STMN3: variants seen among roughly 807,000 people sequenced by gnomAD.
STMN3 encodes stathmin-3.
A neutral mutation model predicts 23.2 loss-of-function variants in STMN3; 24 were observed. The ratio of observed to expected loss-of-function variants is 1.03; its 90% CI spans 0.75 to 1.45. The LOEUF (loss-of-function observed/expected upper bound fraction) is 1.45. Among genes scored for constraint, STMN3 ranks in the 40% most tolerant of loss-of-function variants. The pLI, the probability that STMN3 is intolerant of heterozygous loss-of-function variation, is 0.00. For missense variants in STMN3, 235 were observed against 237.6 expected (o/e 0.99, Z 0.07); for synonymous variants, 117 against 103.4 (o/e 1.13, Z -0.80).
chr20:63,643,284 CTT>C (rs1165333227), intron 3 of STMN3, among the ~76,000 whole-genome samples: 2 of 151,962 alleles, frequency 1.3e-5, no homozygotes, highest in Non-Finnish European at 2.9e-5. Context: ...TTTTTTTGTT[CTT>C]GTTTGTTTTT....
At chr20:63,642,361 C>G (rs530290305) in intron 3 of STMN3, 62 bp from the exon 4 acceptor site, 4 of 1,244,248 alleles carry the variant, frequency 3.2e-6, no homozygotes, top group East Asian at 3.2e-5. Flanking sequence ...CCGGACTCCT[C>G]CCTGCTCTCC....
chr20:63,644,733 T>C (rs1426868825), intron 1 of STMN3, among the ~76,000 whole-genome samples: 1 of 152,178 alleles, frequency 6.6e-6, no homozygotes, highest in Admixed American at 6.5e-5. Context: ...GCCATGAGGA[T>C]AGAGCCCTCC....
intron 4 of STMN3, 25 bp from the exon 5 acceptor site, chr20:63,641,422 C>A: frequency 6.4e-7 from 1 of 1,552,666 alleles, no homozygotes; most frequent in East Asian, 2.4e-5. Context: ...GCGGGAGGGC[C>A]TGAGGGCGGG....
intron 1 of STMN3, among the ~76,000 whole-genome samples, chr20:63,647,833 T>C (rs1383349553): frequency 1.6e-5 from 2 of 127,824 alleles, no homozygotes; most frequent in African/African-American, 2.8e-5. Context: ...TATATATACG[T>C]ATATATGTAT....
intron 1 of STMN3, among the ~76,000 whole-genome samples, chr20:63,647,936 A>AGATGTGTG (rs2089828370): frequency 2.5e-5 from 2 of 80,836 alleles, no homozygotes; most frequent in Non-Finnish European, 4.9e-5. Flanking sequence ...ATACGTATAT[A>AGATGTGTG]TGTGTGTGTG....
At chr20:63,643,992 C>T (rs1652224927) in intron 2 of STMN3, 61 bp from the exon 3 acceptor site, 8 of 1,569,910 alleles carry the variant, frequency 5.1e-6, no homozygotes, top group Admixed American at 2.1e-5. Flanking sequence ...GTGGGCTGAG[C>T]GGGATGCTCC....
intron 3 of STMN3, 29 bp downstream of exon 3, chr20:63,643,727 T>A: frequency 6.6e-7 from 1 of 1,509,508 alleles, no homozygotes; most frequent in South Asian, 1.3e-5. Context: ...TTGAAACTCC[T>A]GGGGGGTGGG....
rs761022872 is a variant in STMN3, at chr20:63,647,948, G to GTATA, written c.20-3643_20-3640dup. On this transcript the variant is annotated intron_variant, in intron 1 of 4. Coordinates refer to ENST00000370053, the MANE Select transcript of STMN3 (RefSeq NM_015894.4). ...TATATACGTATATATGTGTGTGTGT[G>GTATA]TATATATATATGTATATATATATAT... 6.3e-5 allele frequency among the ~76,000 whole-genome samples: 4 copies of GTATA among 63,830 alleles called. 1 individual carries two copies. Among genetic ancestry groups the GTATA allele is most frequent in the Non-Finnish European group, 1.0e-4 (3 of 29,632 alleles). The allele number at this position is 63,830 out of a possible 152,430, so 41.9% of individuals were successfully genotyped here. A position where few individuals can be genotyped will look rare whatever the true frequency, so the allele number is the denominator to read the frequency against.
chr20:63,647,960 G>GTATA lies in STMN3; in HGVS notation c.20-3655_20-3652dup, dbSNP rs1242712476. On this transcript the variant is annotated intron_variant, in intron 1 of 4. Coordinates refer to ENST00000370053, the MANE Select transcript of STMN3 (RefSeq NM_015894.4). ...TATGTGTGTGTGTGTATATATATATGTATATATATATATATATATACATAT... is the reference window on the plus strand; with the variant it reads ...TATGTGTGTGTGTGTATATATATATGTATATATATATATATATATATATACATAT... Among the ~76,000 whole-genome samples the GTATA allele has an allele frequency of 9.4e-5, 5 of 53,354 alleles. No individual in the cohort carries two copies. The East Asian group carries it at 1.1e-3, about 12-fold the overall frequency. The allele number at this position is 53,354 out of a possible 152,430, so 35.0% of individuals were successfully genotyped here. A position where few individuals can be genotyped will look rare whatever the true frequency, so the allele number is the denominator to read the frequency against.
chr20:63,648,793 G>A (rs1355298407), intron 1 of STMN3, among the ~76,000 whole-genome samples: 1 of 152,082 alleles, frequency 6.6e-6, no homozygotes, highest in Non-Finnish European at 1.5e-5. Context: ...ATTAACAGCT[G>A]CTCAAAGCCC....
intron 1 of STMN3, among the ~76,000 whole-genome samples, chr20:63,649,664 G>A (rs1008203966): frequency 1.3e-5 from 2 of 148,368 alleles, no homozygotes; most frequent in African/African-American, 5.0e-5. Flanking sequence ...CCGAATAGCT[G>A]GGACTACAGG....
chr20:63,647,882 TAATA>T (rs1230850008), intron 1 of STMN3, among the ~76,000 whole-genome samples: 4 of 116,882 alleles, frequency 3.4e-5, no homozygotes, highest in East Asian at 4.1e-4. Context: ...GTGTATATAT[TAATA>T]TATATACGTA....
At chr20:63,643,967 C>T (rs368925366) in intron 2 of STMN3, 36 bp from the exon 3 acceptor site, 20 of 1,582,806 alleles carry the variant, frequency 1.3e-5, no homozygotes, top group South Asian at 2.3e-5. Context: ...TTCAGAGGCC[C>T]GGCCAGGGCA....
intron 4 of STMN3, among the ~76,000 whole-genome samples, chr20:63,641,870 C>G (rs2089766460): frequency 6.8e-6 from 1 of 146,140 alleles, no homozygotes; most frequent in Non-Finnish European, 1.5e-5. Flanking sequence ...TGCCCCGCCC[C>G]CTGCCTGCTG....
chr20:63,647,868 ACAC>A (rs1394319282), intron 1 of STMN3, among the ~76,000 whole-genome samples: 3 of 125,924 alleles, frequency 2.4e-5, no homozygotes. Context: ...ACGTATATAT[ACAC>A]GTGTATATAT....
At chr20:63,651,764 G>A (rs1026221955) in intron 1 of STMN3, among the ~76,000 whole-genome samples, 1 of 152,234 alleles carries the variant, frequency 6.6e-6, no homozygotes, top group East Asian at 1.9e-4. Flanking sequence ...TAGGCAGCTC[G>A]GACAACACCA....
intron 1 of STMN3, among the ~76,000 whole-genome samples, chr20:63,651,478 C>G (rs537001670): frequency 2.0e-5 from 3 of 152,128 alleles, no homozygotes; most frequent in African/African-American, 2.4e-5. Flanking sequence ...CGGCTCCCCC[C>G]GGGGGCAGAT....
chr20:63,648,386 A>G (rs1347708650), intron 1 of STMN3, among the ~76,000 whole-genome samples: 1 of 152,120 alleles, frequency 6.6e-6, no homozygotes, highest in Non-Finnish European at 1.5e-5. Context: ...CCAGCTCCCT[A>G]TCAGCAGACT....
At chr20:63,650,664 C>T (rs1249900860) in intron 1 of STMN3, among the ~76,000 whole-genome samples, 1 of 124,446 alleles carries the variant, frequency 8.0e-6, no homozygotes, top group East Asian at 2.5e-4. Flanking sequence ...GACGCCCACC[C>T]GGGTGGATGG....
Sources: gnomAD v4.1 joint callset for allele counts (sites outside exome capture counted in the v4.1 genomes callset) on GRCh38, gnomAD v4.1.1 for gene constraint, MANE v1.5 for transcripts, NCBI Gene and HGNC (gene_info 2026-07-23, HGNC 2026-07-21) for gene names.